Variants in ROGDI observed in about 807,000 individuals in gnomAD.
ROGDI encodes protein rogdi homolog.
ROGDI carries 46 observed loss-of-function variants against 43.1 expected under a neutral mutation model. The observed-to-expected ratio is 1.07, with a 90% CI of 0.84 to 1.37. The LOEUF (loss-of-function observed/expected upper bound fraction) is 1.37, where lower values mean the gene tolerates loss of function less well. Among genes scored for constraint, ROGDI ranks in the 40% most tolerant of loss-of-function variants. The pLI, the probability that ROGDI is intolerant of heterozygous loss-of-function variation, is 0.00. For missense variants in ROGDI, 518 were observed against 383.9 expected, an observed-to-expected ratio of 1.35 and a Z score of -2.92; for synonymous variants, 243 against 162.0, an observed-to-expected ratio of 1.50 and a Z score of -3.80.
Position 4,802,465 on chromosome 16 carries a change from A to T in ROGDI, c.46-12T>A, listed in dbSNP as rs975146129. On this transcript the variant is annotated splice_polypyrimidine_tract_variant and intron_variant, in intron 1 of 10. Coordinates refer to ENST00000322048, the MANE Select transcript of ROGDI (RefSeq NM_024589.3). ...CGGAACTCCTCCTCCTGCGGGACAG[A>T]CCCGGCGGTCGCGCCCGGCCCCGCC... The T allele has an allele frequency of 8.1e-5, 102 of 1,256,928 alleles. No homozygotes were observed. Among genetic ancestry groups the T allele is most frequent in the Non-Finnish European group, 1.0e-4 (101 of 1,003,830 alleles). 77.9% of individuals were successfully genotyped at this position (1,256,928 alleles called of 1,614,324 possible). A position where few individuals can be genotyped will look rare whatever the true frequency, so the allele number is the denominator to read the frequency against.
rs1452770141 is a variant in ROGDI at position 4,799,703 on chromosome 16, C to T, written c.415G>A (p.Gly139Ser). ...CAGCTCACCTTGAGGACCTCAGCGC[C>T]CGTCTTGAACTGGTAGCTCTGGTCC... ...SRDQSYQFKT[G>S]AEVLKLMDAV... The change falls in exon 6 of 11, where the codon GGC (glycine) becomes AGC (serine). Residue 139 changes from glycine (G) to serine (S), a missense_variant. By Grantham distance (56) the Gly-to-Ser change is moderately conservative. Coordinates refer to ENST00000322048, the MANE Select transcript of ROGDI (RefSeq NM_024589.3). The T allele has an allele frequency of 1.2e-6, 2 of 1,613,380 alleles. No homozygotes were observed. Among genetic ancestry groups the T allele is most frequent in the Admixed American group, 1.7e-5 (1 of 59,948 alleles).
Position 4,798,479 on chromosome 16 carries a change from G to C in ROGDI, c.531+90C>G. The C allele has an allele frequency of 4.0e-6, 4 of 1,004,564 alleles. No homozygotes were observed. The South Asian group carries it at 6.5e-5, about 16-fold the overall frequency. 62.2% of individuals were successfully genotyped at this position (1,004,564 alleles called of 1,614,324 possible). A position where few individuals can be genotyped will look rare whatever the true frequency, so the allele number is the denominator to read the frequency against. On this transcript the variant is annotated intron_variant, in intron 7 of 10. Coordinates refer to ENST00000322048, the MANE Select transcript of ROGDI (RefSeq NM_024589.3). The stretch of plus-strand genomic sequence containing the variant: ...ACAGAATATTCCACCTATAATCTGG[G>C]AGTGGCACCCCTCCGCGTCCATCCT...
At chr16:4,799,977 C>A (rs1459576722) in intron 5 of ROGDI, among the ~76,000 whole-genome samples, 196 bp from the exon 6 acceptor site, 1 of 152,156 alleles carries the variant, frequency 6.6e-6, no homozygotes, top group Non-Finnish European at 1.5e-5. Flanking sequence ...AAGCTGACTG[C>A]CCCCTCCTTT....
In ROGDI at chr16:4,797,043, C is replaced by T; in HGVS notation, c.*417G>A. The T allele has an allele frequency of 4.6e-6, 1 of 217,470 alleles. No homozygotes were observed. Among genetic ancestry groups the T allele is most frequent in the Non-Finnish European group, 9.3e-6 (1 of 107,172 alleles). 13.5% of individuals were successfully genotyped at this position (217,470 alleles called of 1,614,324 possible). A position where few individuals can be genotyped will look rare whatever the true frequency, so the allele number is the denominator to read the frequency against. ...AACACAGTCACCAGCACTATACTCA[C>T]TCCTAGGGTGGCTCTGTCTGTGGCG... On this transcript the variant is annotated 3_prime_UTR_variant, in exon 11 of 11. Coordinates refer to ENST00000322048, the MANE Select transcript of ROGDI (RefSeq NM_024589.3).
At chr16:4,802,222 A>T (rs757804758) in intron 2 of ROGDI, 160 bp downstream of exon 2, 1 of 698,498 alleles carries the variant, frequency 1.4e-6, no homozygotes, top group South Asian at 1.5e-5. Flanking sequence ...GTACTTATAT[A>T]ATGAGGTCGG....
At chr16:4,801,847 C>T (rs1330260463) in intron 2 of ROGDI, 1 of 589,406 alleles carries the variant, frequency 1.7e-6, no homozygotes, top group South Asian at 1.9e-5. Flanking sequence ...GGGGCAGCCT[C>T]CCAGCTTGGT....
Position 4,797,750 on chromosome 16 carries a change from G to A in ROGDI, c.786C>T (p.Thr262=), listed in dbSNP as rs146812127. Residue 262 remains threonine, a synonymous_variant, in exon 10 of 11, where the codon ACC becomes ACT. Coordinates refer to ENST00000322048, the MANE Select transcript of ROGDI (RefSeq NM_024589.3). ...PWLNDALVYF[T]VSLQLCQQLK... Reference sequence around the variant, plus strand: ...GCTGCTGGCAGAGCTGCAGGGAGACGGTGAAGTAGACCAGGGCGTCGTTGA... The same window carrying A: ...GCTGCTGGCAGAGCTGCAGGGAGACAGTGAAGTAGACCAGGGCGTCGTTGA... 33 of 1,525,846 alleles carry A rather than the reference G, an allele frequency of 2.2e-5. No individual in the cohort carries two copies. The highest frequency in any genetic ancestry group is 4.8e-5 in the East Asian group (2 of 41,572). The allele number at this position is 1,525,846 out of a possible 1,614,324, so 94.5% of individuals were successfully genotyped here.
chr16:4,797,550 C>G (rs1333739743), intron 10 of ROGDI, 49 bp from the exon 11 acceptor site: 1 of 1,194,088 alleles, frequency 8.4e-7, no homozygotes, highest in South Asian at 1.8e-5. Context: ...ATGGGGTAGC[C>G]CAGGGGAGAT....
intron 5 of ROGDI, 104 bp from the exon 6 acceptor site, chr16:4,799,885 G>A (rs2082696091): frequency 1.3e-6 from 1 of 794,144 alleles, no homozygotes. Flanking sequence ...TCTCCACACT[G>A]TCATCCCTGT....
At chr16:4,798,322 TC>T in intron 7 of ROGDI, 138 bp from the exon 8 acceptor site, 1 of 793,858 alleles carries the variant, frequency 1.3e-6, no homozygotes, top group Non-Finnish European at 2.1e-6. Context: ...AATGGGGGCT[TC>T]CAGACTTTTC....
At chr16:4,799,048 G>A (rs1001255188) in intron 6 of ROGDI, among the ~76,000 whole-genome samples, 4 of 152,122 alleles carry the variant, frequency 2.6e-5, no homozygotes, top group East Asian at 1.9e-4. Context: ...ACTGGGTTGA[G>A]GTTTTCAGGG....
chr16:4,800,987 T>C, intron 4 of ROGDI: 2 of 511,242 alleles, frequency 3.9e-6, no homozygotes, highest in Non-Finnish European at 6.9e-6. Context: ...GATTCAACTG[T>C]GATGTGTGGC....
At chr16:4,800,076 G>A (rs939482601) in intron 5 of ROGDI, among the ~76,000 whole-genome samples, 1 of 152,194 alleles carries the variant, frequency 6.6e-6, no homozygotes, top group Non-Finnish European at 1.5e-5. Context: ...AGGGGCAAGG[G>A]TGCTGAGATG....
Position 4,802,377 on chromosome 16 carries a change from G to A in ROGDI, c.117+5C>T, listed in dbSNP as rs761951820. On this transcript the variant is annotated splice_donor_5th_base_variant and intron_variant, in intron 2 of 10. Transcript: ENST00000322048. The stretch of plus-strand genomic sequence containing the variant: ...CGCCCGGCGGGGCAGGGCGCGGGTC[G>A]TTACCTTGAGGATGTCCTGCAGCTG... 16 of 1,568,394 alleles carry A rather than the reference G, an allele frequency of 1.0e-5. No homozygotes were observed. The highest frequency in any genetic ancestry group is 2.3e-5 in the South Asian group (2 of 85,320).
chr16:4,801,127 T>G, intron 4 of ROGDI, 140 bp downstream of exon 4: 1 of 648,380 alleles, frequency 1.5e-6, no homozygotes, highest in Non-Finnish European at 2.6e-6. Flanking sequence ...AGGGTTGCTG[T>G]CATTTTCCAA....
rs80033521 is a variant in ROGDI at position 4,798,138 on chromosome 16, T to A, written c.578A>T (p.Tyr193Phe). 249 of 1,613,992 alleles carry A rather than the reference T, an allele frequency of 1.5e-4. 5 individuals carry two copies. The East Asian group carries it at 5.5e-3, about 36-fold the overall frequency. Reference sequence around the variant, plus strand: ...GAGGCAGAGCTTGTTGAGGTTGATGTAGACGTTGACCAGCAGGTCGGACGG... The same window carrying A: ...GAGGCAGAGCTTGTTGAGGTTGATGAAGACGTTGACCAGCAGGTCGGACGG... ...ALPSDLLVNVYINLNKLCLTV... is the reference protein window; with the variant it reads ...ALPSDLLVNVFINLNKLCLTV... The change falls in exon 8 of 11, where the codon TAC (tyrosine) becomes TTC (phenylalanine). Residue 193 changes from tyrosine (Y) to phenylalanine (F), a missense_variant. Coordinates refer to ENST00000322048, the MANE Select transcript of ROGDI (RefSeq NM_024589.3).
Position 4,801,283 on chromosome 16 carries a change from T to C in ROGDI, c.239A>G (p.Asp80Gly). The C allele has an allele frequency of 1.2e-6, 2 of 1,606,896 alleles. No homozygotes were observed. The highest frequency in any genetic ancestry group is 1.7e-6 in the Non-Finnish European group (2 of 1,175,244). ...QVKGVLTLQG[D>G]ALSQADVNLK... is the part of the protein sequence containing the mutation. ...GGGACTCACCGCCTGGCTGAGGGCA[T>C]CCCCCTGCAGAGTCAGCACACCCTT... The change falls in exon 4 of 11, where the codon GAT (aspartate) becomes GGT (glycine). Residue 80 changes from aspartate (D) to glycine (G), a missense_variant. Asp to Gly is a moderately conservative substitution (Grantham distance 94). Transcript: ENST00000322048.
intron 10 of ROGDI, 58 bp from the exon 11 acceptor site, chr16:4,797,559 A>C: frequency 6.3e-7 from 1 of 1,578,544 alleles, no homozygotes; most frequent in Non-Finnish European, 8.7e-7. Context: ...CCCAGGGGAG[A>C]TGTCAAGGTC....
Position 4,798,761 on chromosome 16 carries a change from G to A in ROGDI, c.433-94C>T, listed in dbSNP as rs2082684823. 7 of 1,051,682 alleles carry A rather than the reference G, an allele frequency of 6.7e-6. No homozygotes were observed. The Admixed American group carries it at 9.1e-5, about 14-fold the overall frequency. The allele number at this position is 1,051,682 out of a possible 1,614,324, so 65.1% of individuals were successfully genotyped here. On this transcript the variant is annotated intron_variant, in intron 6 of 10. Transcript: ENST00000322048. ...GTAGCTCCCACTCCCACCCAGCCCA[G>A]TGGCTACTGTTCCCAGGTCCCGAAA...
Sources: gnomAD v4.1 joint callset for allele counts (sites outside exome capture counted in the v4.1 genomes callset) on GRCh38, gnomAD v4.1.1 for gene constraint, MANE v1.5 for transcripts, NCBI Gene and HGNC (gene_info 2026-07-23, HGNC 2026-07-21) for gene names.